The following SETDB2 variants were observed in gnomAD, a reference collection of about 807,000 sequenced individuals.
SETDB2 encodes SET domain bifurcated histone lysine methyltransferase 2, also known as histone-lysine N-methyltransferase SETDB2.
SETDB2 carries 56 observed loss-of-function variants against 82.5 expected under a neutral mutation model. The ratio of observed to expected loss-of-function variants is 0.68; its 90% CI spans 0.55 to 0.85. The LOEUF (loss-of-function observed/expected upper bound fraction) is 0.85, where lower values mean the gene tolerates loss of function less well. SETDB2 is among the 40% of genes least tolerant of loss of function. The pLI, the probability that SETDB2 is intolerant of heterozygous loss-of-function variation, is 0.00. For missense variants in SETDB2, 677 were observed against 816.4 expected (o/e 0.83, Z 2.08); for synonymous variants, 272 against 284.9 (o/e 0.95, Z 0.46).
chr13:49,477,303 G>T (rs1958387403), intron 6 of SETDB2, among the ~76,000 whole-genome samples: 1 of 152,144 alleles, frequency 6.6e-6, no homozygotes, highest in Non-Finnish European at 1.5e-5. Context: ...GGGTATGGTG[G>T]TGTGCATCTA....
At chr13:49,446,264 C>T (rs576129070) in intron 1 of SETDB2, 70 of 412,706 alleles carry the variant, frequency 1.7e-4, no homozygotes, top group Admixed American at 4.8e-4. Flanking sequence ...GAGCACAATC[C>T]AGATTTTGAC....
At chr13:49,472,541 G>T (rs2138920300) in intron 5 of SETDB2, among the ~76,000 whole-genome samples, 1 of 151,892 alleles carries the variant, frequency 6.6e-6, no homozygotes, top group African/African-American at 2.4e-5. Context: ...CAATGACTGG[G>T]TTTACAATAC....
chr13:49,474,490 G>A (rs1354301553), intron 5 of SETDB2, among the ~76,000 whole-genome samples: 1 of 152,124 alleles, frequency 6.6e-6, no homozygotes, highest in South Asian at 2.1e-4. Flanking sequence ...AATATGTTCT[G>A]CAACAGTATC....
intron 10 of SETDB2, among the ~76,000 whole-genome samples, chr13:49,484,462 G>A (rs1958552645): frequency 6.6e-6 from 1 of 152,060 alleles, no homozygotes; most frequent in Non-Finnish European, 1.5e-5. Flanking sequence ...GTAGAGACGG[G>A]GTTTCATGAT....
At position 49,482,921 on chromosome 13, in the gene SETDB2, A is replaced by G. The variant is rs1166001843; in HGVS notation, c.1341A>G (p.Lys447=). 1 of 1,613,068 alleles carries G rather than the reference A, an allele frequency of 6.2e-7. No individual in the cohort carries two copies. Among genetic ancestry groups the G allele is most frequent in the Non-Finnish European group, 8.5e-7 (1 of 1,179,610 alleles). Residue 447 remains lysine (K), a synonymous_variant, in exon 9 of 14, where the codon AAA becomes AAG. Transcript: ENST00000611815. The part of the protein sequence containing the change: ...ETHPRTAKTE[K]CPPKFSNNPK... ...ATCCTAGAACTGCTAAAACTGAGAA[A>G]TGTCCACCAAAGTTCAGTAATAATC...
Position 49,460,091 on chromosome 13 carries a change from CTTATT to C in SETDB2, c.17-13_17-9del. The C allele has an allele frequency of 6.2e-7, 1 of 1,606,742 alleles. No individual in the cohort carries two copies. Among genetic ancestry groups the C allele is most frequent in the Non-Finnish European group, 8.5e-7 (1 of 1,177,662 alleles). ...TTTCTATTAGCTCTTAGGCTAGTCA[CTTATT>C]TTTATTTTAGGCGATGCAAAAACTT... On this transcript the variant is annotated splice_polypyrimidine_tract_variant and intron_variant, in intron 2 of 13. Coordinates refer to ENST00000611815, the MANE Select transcript of SETDB2 (RefSeq NM_001160308.3).
At chr13:49,484,036 G>A (rs1485336219) in intron 10 of SETDB2, among the ~76,000 whole-genome samples, 3 of 152,124 alleles carry the variant, frequency 2.0e-5, no homozygotes, top group African/African-American at 7.2e-5. Flanking sequence ...GGTGGACGGT[G>A]GAAATGCTAG....
At chr13:49,469,012 T>G (rs1958175878) in intron 5 of SETDB2, among the ~76,000 whole-genome samples, 1 of 152,178 alleles carries the variant, frequency 6.6e-6, no homozygotes, top group Non-Finnish European at 1.5e-5. Flanking sequence ...CAAACAGTTA[T>G]CTATATATTT....
rs1957984835 is a variant in SETDB2 at position 49,461,137 on chromosome 13, A to G, written c.183A>G (p.Ile61Met). The G allele has an allele frequency of 1.2e-6, 2 of 1,610,720 alleles. No homozygotes were observed. The highest frequency in any genetic ancestry group is 1.3e-5 in the African/African-American group (1 of 74,872). Residue 61 changes from isoleucine to methionine, a missense_variant, in exon 4 of 14, where the codon ATA becomes ATG. Physicochemically the swap from Ile to Met is conservative, Grantham distance 10. Transcript: ENST00000611815. ...TGATTCTAGTGAATGAAGCAACTATAATTAACAGTTCAACATCAATAAAGG... is the reference window on the plus strand; with the variant it reads ...TGATTCTAGTGAATGAAGCAACTATGATTAACAGTTCAACATCAATAAAGG... ...QAMILVNEAT[I>M]INSSTSIKDP... is the part of the protein sequence containing the mutation.
intron 2 of SETDB2, among the ~76,000 whole-genome samples, chr13:49,456,976 A>G (rs893576715): frequency 6.6e-6 from 1 of 152,254 alleles, no homozygotes; most frequent in African/African-American, 2.4e-5. Flanking sequence ...AAGGAACAAC[A>G]TATTTATTTA....
chr13:49,471,426 T>G (rs1348637027), intron 5 of SETDB2, among the ~76,000 whole-genome samples: 1 of 151,692 alleles, frequency 6.6e-6, no homozygotes, highest in Non-Finnish European at 1.5e-5. Context: ...TTCCCTTTTT[T>G]TTTTTTTTTT....
At chr13:49,471,936 T>TATATA (rs71664753) in intron 5 of SETDB2, among the ~76,000 whole-genome samples, 1,987 of 95,482 alleles carry the variant, frequency 0.021, 14 homozygotes, top group Middle Eastern at 0.043. Context: ...ATATATATAT[T>TATATA]TTTTTTTTTT....
At chr13:49,451,959 A>G (rs1180224599) in intron 2 of SETDB2, 50 bp downstream of exon 2, 4 of 1,356,738 alleles carry the variant, frequency 2.9e-6, no homozygotes. Flanking sequence ...GTATAAAAGT[A>G]TATAGACAAT....
chr13:49,480,892 C>A, intron 7 of SETDB2, 55 bp from the exon 8 acceptor site: 1 of 1,586,498 alleles, frequency 6.3e-7, no homozygotes, highest in South Asian at 1.1e-5. Context: ...AGTGAAGTGT[C>A]AATAAACTGC....
chr13:49,487,124 A>G (rs1594180438), intron 11 of SETDB2, among the ~76,000 whole-genome samples: 1 of 152,198 alleles, frequency 6.6e-6, no homozygotes, highest in African/African-American at 2.4e-5. Flanking sequence ...AAAAAATCCA[A>G]AGTTGTATTA....
intron 2 of SETDB2, among the ~76,000 whole-genome samples, chr13:49,453,926 T>C (rs1412801379): frequency 5.9e-5 from 9 of 152,244 alleles, no homozygotes; most frequent in African/African-American, 2.2e-4. Flanking sequence ...AATATTTCTA[T>C]ATGTAACTGT....
At chr13:49,467,061 T>C (rs1958130157) in intron 4 of SETDB2, among the ~76,000 whole-genome samples, 3 of 152,252 alleles carry the variant, frequency 2.0e-5, no homozygotes, top group South Asian at 4.1e-4. Flanking sequence ...TTTATTAAAC[T>C]TCTTTTGAGG....
intron 11 of SETDB2, among the ~76,000 whole-genome samples, chr13:49,486,383 G>C (rs1410696779): frequency 6.6e-6 from 1 of 152,110 alleles, no homozygotes; most frequent in East Asian, 1.9e-4. Flanking sequence ...ATTACAGCAA[G>C]AGTTGAATAA....
intron 5 of SETDB2, among the ~76,000 whole-genome samples, chr13:49,471,942 T>TTTTA (rs1566166367): frequency 8.1e-4 from 75 of 92,172 alleles, no homozygotes; most frequent in African/African-American, 2.3e-3. Flanking sequence ...ATATTTTTTT[T>TTTTA]TTTTTTTAAA....
Sources: allele counts gnomAD v4.1 joint callset (sites outside exome capture counted in the v4.1 genomes callset), GRCh38; gene constraint gnomAD v4.1.1; transcripts MANE v1.5; gene names NCBI Gene and HGNC (gene_info 2026-07-23, HGNC 2026-07-21).